TSC1: variants seen among roughly 807,000 people sequenced by gnomAD.
TSC1 encodes hamartin.
In TSC1, 20 loss-of-function variants were observed where a neutral mutation model predicts 124.3. The observed-to-expected ratio is 0.16, with a 90% CI of 0.11 to 0.23. The LOEUF (loss-of-function observed/expected upper bound fraction) is 0.23. Ranked by LOEUF, TSC1 falls within the 10% of genes least tolerant of loss-of-function variation. TSC1 has a pLI of 1.00. For synonymous variants in TSC1, 493 were observed against 539.1 expected, an observed-to-expected ratio of 0.91 and a Z score of 1.19; for missense variants, 1,124 against 1,448.5, an observed-to-expected ratio of 0.78 and a Z score of 3.64.
At chr9:132,898,274 C>T (rs1017163394) in intron 20 of TSC1, among the ~76,000 whole-genome samples, 8 of 152,164 alleles carry the variant, frequency 5.3e-5, no homozygotes, top group African/African-American at 9.7e-5. Context: ...GGCCTGCTGC[C>T]GACAGATTGG....
At chr9:132,927,882 T>C (rs576690501) in intron 3 of TSC1, among the ~76,000 whole-genome samples, 1 of 152,236 alleles carries the variant, frequency 6.6e-6, no homozygotes, top group Non-Finnish European at 1.5e-5. Context: ...ACATTCAGGC[T>C]ATGTAAAAGT....
intron 8 of TSC1, among the ~76,000 whole-genome samples, chr9:132,919,981 G>A (rs111412562): frequency 1.3e-5 from 2 of 152,342 alleles, no homozygotes; most frequent in African/African-American, 4.8e-5. Context: ...GAAGGATTCT[G>A]TCTGACCTAT....
At chr9:132,919,377 T>G (rs544175853) in intron 8 of TSC1, among the ~76,000 whole-genome samples, 2 of 152,236 alleles carry the variant, frequency 1.3e-5, no homozygotes, top group East Asian at 3.9e-4. Context: ...GCTTGAACAA[T>G]GAGAATAGAT....
chr9:132,925,661 T>A lies in TSC1; in HGVS notation c.289A>T (p.Ile97Leu), dbSNP rs138541569. Residue 97 changes from isoleucine (I) to leucine (L), a missense_variant, in exon 5 of 23, where the codon ATA becomes TTA. Coordinates refer to ENST00000298552, the MANE Select transcript of TSC1 (RefSeq NM_000368.5). ...TGCTTCCAAGATGGCTGCAGTCTTA[T>A]GACATGACCCAGTAACGAGAGGATG... is the stretch of plus-strand genomic sequence containing the variant. ...LSILSLLGHV[I>L]RLQPSWKHKL... 6.2e-7 allele frequency: 1 copy of A among 1,614,252 alleles called. No individual in the cohort carries two copies.
chr9:132,900,034 G>C (rs1406849527), intron 20 of TSC1: 1 of 154,236 alleles, frequency 6.5e-6, no homozygotes, highest in Non-Finnish European at 1.4e-5. Context: ...ACTCTCTCCA[G>C]TTCTAAGACT....
At position 132,906,025 on chromosome 9, in the gene TSC1, T is replaced by G; in HGVS notation, c.1553A>C (p.Lys518Thr). ...AGAACTGGAGGCTGCCGAGTGGGTC[T>G]TCCGCTGAGAACCTGGGAGACTGTC... ...YRDSLPGSQR[K>T]THSAASSSQG... Residue 518 changes from lysine to threonine, a missense_variant, in exon 15 of 23, where the codon AAG becomes ACG. By Grantham distance (78) the Lys-to-Thr change is moderately conservative. Transcript: ENST00000298552. This position sits in a 1 kb window ranked among gnomAD's most constrained non-coding sequence, Gnocchi z 4.1. 6.2e-7 allele frequency: 1 copy of G among 1,614,010 alleles called. No homozygotes were observed. The highest frequency in any genetic ancestry group is 8.5e-7 in the Non-Finnish European group (1 of 1,179,986).
intron 8 of TSC1, 73 bp from the exon 9 acceptor site, chr9:132,912,530 A>C (rs1846026246): frequency 6.4e-7 from 1 of 1,572,610 alleles, no homozygotes; most frequent in Admixed American, 1.7e-5. Flanking sequence ...GTGTCAACTC[A>C]GTGCCAGCCA....
rs1350950112 is a variant in TSC1, at chr9:132,910,988, T to C, written c.1141+14A>G. On this transcript the variant is annotated intron_variant, in intron 11 of 22. Coordinates refer to ENST00000298552, the MANE Select transcript of TSC1 (RefSeq NM_000368.5). ...CAAAACCAACTAATCAAATCCAACC[T>C]AAGACATACATACCAGTTGTACCAA... The C allele has an allele frequency of 1.2e-6, 2 of 1,610,474 alleles. No individual in the cohort carries two copies. Among genetic ancestry groups the C allele is most frequent in the African/African-American group, 2.7e-5 (2 of 74,812 alleles).
intron 1 of TSC1, chr9:132,940,763 C>A (rs1847693205): frequency 6.6e-6 from 1 of 152,176 alleles, no homozygotes; most frequent in Admixed American, 6.5e-5. Flanking sequence ...TTTATTATAA[C>A]AATATTACTA....
intron 20 of TSC1, chr9:132,899,702 C>T (rs1465274625): frequency 6.6e-6 from 1 of 152,224 alleles, no homozygotes; most frequent in Non-Finnish European, 1.5e-5. Context: ...TCAGCTGCAT[C>T]ACCCGTTTTA....
intron 2 of TSC1, among the ~76,000 whole-genome samples, chr9:132,930,142 G>A (rs1230850451): frequency 6.6e-6 from 1 of 152,168 alleles, no homozygotes; most frequent in Non-Finnish European, 1.5e-5. Flanking sequence ...TGCTAGAAAT[G>A]CAATACCTGG....
chr9:132,892,136 G>T lies in TSC1; in HGVS notation c.*4099C>A. On this transcript the variant is annotated 3_prime_UTR_variant, in exon 23 of 23. Transcript: ENST00000298552. ...CAGATAAGGACTGCAGGACGGCATG[G>T]AAGAGACAGGAACACGCTCCCCTGG... The T allele has an allele frequency of 4.3e-6, 1 of 233,248 alleles. No individual in the cohort carries two copies. Among genetic ancestry groups the T allele is most frequent in the East Asian group, 6.0e-5 (1 of 16,582 alleles). 14.4% of individuals were successfully genotyped at this position (233,248 alleles called of 1,614,324 possible).
At chr9:132,939,408 G>A (rs1847624495) in intron 1 of TSC1, 1 of 152,206 alleles carries the variant, frequency 6.6e-6, no homozygotes, top group Admixed American at 6.5e-5. Context: ...CCCTCTCAAG[G>A]ACAAACTGGG....
intron 8 of TSC1, among the ~76,000 whole-genome samples, chr9:132,913,259 C>T (rs1021497866): frequency 1.3e-5 from 2 of 151,708 alleles, no homozygotes; most frequent in South Asian, 2.1e-4. Flanking sequence ...TTTAAATCAA[C>T]GTGTTAGTAT....
chr9:132,910,858 A>C, intron 11 of TSC1, 144 bp downstream of exon 11: 1 of 1,308,746 alleles, frequency 7.6e-7, no homozygotes, highest in South Asian at 1.2e-5. Context: ...CACTTTACAC[A>C]TTCTGAAAGC....
chr9:132,936,113 TTCTTTCTTTCTC>T (rs1461649555), intron 1 of TSC1, among the ~76,000 whole-genome samples: 6 of 152,156 alleles, frequency 3.9e-5, no homozygotes, highest in African/African-American at 1.4e-4. Context: ...TCTTTTCTTT[TTCTTTCTTTCTC>T]TCTTTCTTTT....
intron 15 of TSC1, 21 bp downstream of exon 15, chr9:132,905,560 G>T (rs767596931): frequency 6.2e-7 from 1 of 1,613,394 alleles, no homozygotes; most frequent in Middle Eastern, 1.8e-4. Flanking sequence ...TAACACAGAA[G>T]AGAGTGCCCC....
In TSC1 at chr9:132,912,391, T is replaced by C. The variant is rs753895570; in HGVS notation, c.804A>G (p.Glu268=). The part of the protein sequence containing the change: ...ECAKISLDPT[E]ASYEDGYSVS... Reference sequence around the variant, plus strand: ...CAGAATAGCCATCTTCATATGAGGCTTCTGTGGGATCCAGAGAGATTTTGG... The same window carrying C: ...CAGAATAGCCATCTTCATATGAGGCCTCTGTGGGATCCAGAGAGATTTTGG... The change falls in exon 9 of 23, where the codon GAA becomes GAG. Residue 268 remains glutamate (E), a synonymous_variant. Coordinates refer to ENST00000298552, the MANE Select transcript of TSC1 (RefSeq NM_000368.5). 6.2e-7 allele frequency: 1 copy of C among 1,614,100 alleles called. No individual in the cohort carries two copies. Among genetic ancestry groups the C allele is most frequent in the Non-Finnish European group, 8.5e-7 (1 of 1,180,050 alleles).
intron 2 of TSC1, among the ~76,000 whole-genome samples, chr9:132,929,549 A>G (rs1847094061): frequency 6.6e-6 from 1 of 152,192 alleles, no homozygotes; most frequent in African/African-American, 2.4e-5. Flanking sequence ...CATCAGGGCA[A>G]ATCTTCAAAA....
Sources: gnomAD v4.1 joint callset for allele counts (sites outside exome capture counted in the v4.1 genomes callset) on GRCh38, gnomAD v4.1.1 for gene constraint, Gnocchi (gnomAD v3.1) non-coding constraint, MANE v1.5 for transcripts, NCBI Gene and HGNC (gene_info 2026-07-23, HGNC 2026-07-21) for gene names.